The following PDLIM1 variants were observed in gnomAD, a reference collection of about 807,000 sequenced individuals.
PDLIM1 encodes the protein PDZ and LIM domain 1, also known as PDZ and LIM domain protein 1.
Under a neutral mutation model 35.2 loss-of-function variants are expected in PDLIM1, and 25 were observed. The observed-to-expected ratio is 0.71, with a 90% CI of 0.52 to 0.99. The LOEUF (loss-of-function observed/expected upper bound fraction) is 0.99. PDLIM1 is among the 50% of genes least tolerant of loss of function. The pLI is 0.00. For synonymous variants in PDLIM1, 152 were observed against 154.0 expected (o/e 0.99, Z 0.10); for missense variants, 363 against 415.3 (o/e 0.87, Z 1.09).
At chr10:95,256,986 A>AAAAGAAAGAAAG (rs71034327) in intron 4 of PDLIM1, among the ~76,000 whole-genome samples, 6,021 of 61,416 alleles carry the variant, frequency 0.098, 535 homozygotes, top group East Asian at 0.18. Flanking sequence ...AAAAAAAAAA[A>AAAAGAAAGAAAG]AAAGAAAGAA....
chr10:95,266,496 AT>A (rs1403964123), intron 3 of PDLIM1, among the ~76,000 whole-genome samples: 1 of 152,068 alleles, frequency 6.6e-6, no homozygotes, highest in Non-Finnish European at 1.5e-5. Context: ...CCTTGGCTCA[AT>A]TTTTCCCTGC....
At chr10:95,277,114 C>T (rs987739181) in intron 1 of PDLIM1, among the ~76,000 whole-genome samples, 1 of 151,814 alleles carries the variant, frequency 6.6e-6, no homozygotes, top group African/African-American at 2.4e-5. Context: ...ACTCAGGAGG[C>T]TGAGGTGGGA....
chr10:95,237,908 T>C lies in PDLIM1; in HGVS notation c.*17A>G, dbSNP rs780648719. ...GCAGCAGAGGCCTGCTGGAGAACAG[T>C]GGTCAGATCTGCTGGCTCACTTGGG... On this transcript the variant is annotated 3_prime_UTR_variant, in exon 7 of 7. Transcript: ENST00000329399. The C allele has an allele frequency of 1.2e-6, 2 of 1,609,394 alleles. No homozygotes were observed. Among genetic ancestry groups the C allele is most frequent in the Non-Finnish European group, 1.7e-6 (2 of 1,176,596 alleles).
intron 3 of PDLIM1, among the ~76,000 whole-genome samples, chr10:95,265,427 T>A (rs1406512000): frequency 2.0e-5 from 3 of 150,608 alleles, no homozygotes; most frequent in Non-Finnish European, 4.4e-5. Flanking sequence ...AAACCTCATC[T>A]CTACTAAAAA....
chr10:95,275,033 T>G (rs890487782), intron 1 of PDLIM1, among the ~76,000 whole-genome samples: 1 of 152,180 alleles, frequency 6.6e-6, no homozygotes, highest in Non-Finnish European at 1.5e-5. Context: ...ATTCCAGAGC[T>G]CACAATATTT....
chr10:95,244,997 C>A (rs924703310), intron 5 of PDLIM1, among the ~76,000 whole-genome samples: 1 of 152,206 alleles, frequency 6.6e-6, no homozygotes, highest in Non-Finnish European at 1.5e-5. Flanking sequence ...TATCCTGTTA[C>A]TGTCAGTAAA....
chr10:95,251,328 T>C (rs2035265700), intron 4 of PDLIM1, among the ~76,000 whole-genome samples: 1 of 151,816 alleles, frequency 6.6e-6, no homozygotes, highest in South Asian at 2.1e-4. Flanking sequence ...GGCTCACACC[T>C]TTAGGAGGCC....
intron 5 of PDLIM1, among the ~76,000 whole-genome samples, chr10:95,244,773 A>G (rs45443492): frequency 9.2e-4 from 140 of 152,158 alleles, no homozygotes; most frequent in African/African-American, 3.3e-3. Context: ...GGTGGTACAC[A>G]TCTGTAATCT....
intron 5 of PDLIM1, among the ~76,000 whole-genome samples, chr10:95,246,095 C>A (rs970122801): frequency 2.6e-5 from 4 of 152,148 alleles, no homozygotes; most frequent in Admixed American, 2.0e-4. Context: ...GAAAACAAGA[C>A]CCCACTGAAG....
intron 3 of PDLIM1, among the ~76,000 whole-genome samples, chr10:95,268,313 T>C (rs1323578449): frequency 6.6e-6 from 1 of 152,204 alleles, no homozygotes; most frequent in Non-Finnish European, 1.5e-5. Flanking sequence ...TTCCACTCCA[T>C]GGCTCATGGA....
chr10:95,241,388 G>A (rs991445940), intron 5 of PDLIM1, among the ~76,000 whole-genome samples: 2 of 152,178 alleles, frequency 1.3e-5, no homozygotes, highest in African/African-American at 4.8e-5. Flanking sequence ...ATGGTTGACT[G>A]TATTTTGACC....
At chr10:95,268,712 G>C (rs558609540) in intron 3 of PDLIM1, 66 bp downstream of exon 3, 1 of 979,332 alleles carries the variant, frequency 1.0e-6, no homozygotes, top group Non-Finnish European at 1.7e-6. Flanking sequence ...GGAATGTGCT[G>C]AGCAGTGTCA....
At chr10:95,287,559 G>C (rs1031625406) in intron 1 of PDLIM1, among the ~76,000 whole-genome samples, 1 of 152,136 alleles carries the variant, frequency 6.6e-6, no homozygotes, top group African/African-American at 2.4e-5. Flanking sequence ...CAGTTGCTGG[G>C]AGAGAAAAAC....
intron 4 of PDLIM1, among the ~76,000 whole-genome samples, chr10:95,256,985 A>AAG (rs2035317176): frequency 3.4e-5 from 4 of 119,182 alleles, no homozygotes; most frequent in African/African-American, 1.2e-4. Flanking sequence ...AAAAAAAAAA[A>AAG]AAAAGAAAGA....
At chr10:95,266,984 A>G (rs1160008978) in intron 3 of PDLIM1, among the ~76,000 whole-genome samples, 2 of 152,230 alleles carry the variant, frequency 1.3e-5, no homozygotes, top group East Asian at 3.8e-4. Flanking sequence ...TTGGCATTAC[A>G]TGAACCAACA....
Position 95,237,711 on chromosome 10 carries a change from G to A in PDLIM1, c.*214C>T. ...AGGGACACAGTGTTGCTGACAAGGT[G>A]ACACTGAACAAAACAGTTTTCCTTT... On this transcript the variant is annotated 3_prime_UTR_variant, in exon 7 of 7. Coordinates refer to ENST00000329399, the MANE Select transcript of PDLIM1 (RefSeq NM_020992.4). 1.8e-6 allele frequency: 1 copy of A among 549,554 alleles called. No homozygotes were observed. The highest frequency in any genetic ancestry group is 3.2e-6 in the Non-Finnish European group (1 of 309,072). 34.0% of individuals were successfully genotyped at this position (549,554 alleles called of 1,614,324 possible). A position where few individuals can be genotyped will look rare whatever the true frequency, so the allele number is the denominator to read the frequency against.
At position 95,290,192 on chromosome 10, in the gene PDLIM1, A is replaced by C. The variant is rs1396262989; in HGVS notation, c.96+628T>G. On this transcript the variant is annotated intron_variant, in intron 1 of 6. Transcript: ENST00000329399. The surrounding 1 kb of genome is among the most constrained non-coding windows in gnomAD (Gnocchi z 4.7). Reference sequence around the variant, plus strand: ...TAATCTGGGAATGCTAGGAAGAATGACGGCGGGGCCACGTTCTGCAGAGGG... The same window carrying C: ...TAATCTGGGAATGCTAGGAAGAATGCCGGCGGGGCCACGTTCTGCAGAGGG... 6.6e-6 allele frequency among the ~76,000 whole-genome samples: 1 copy of C among 152,118 alleles called. No homozygotes were observed. The highest frequency in any genetic ancestry group is 1.5e-5 in the Non-Finnish European group (1 of 68,004).
At chr10:95,243,506 T>G (rs2035195117) in intron 5 of PDLIM1, among the ~76,000 whole-genome samples, 1 of 152,142 alleles carries the variant, frequency 6.6e-6, no homozygotes, top group Non-Finnish European at 1.5e-5. Flanking sequence ...AAGCTCATGA[T>G]TCTTAACCTT....
intron 4 of PDLIM1, among the ~76,000 whole-genome samples, chr10:95,248,689 CAG>C (rs1323136962): frequency 2.0e-5 from 3 of 152,234 alleles, no homozygotes; most frequent in Admixed American, 2.0e-4. Flanking sequence ...AATGTTATCA[CAG>C]AGGAGAAAGT....
Sources: gnomAD v4.1 joint callset for allele counts (sites outside exome capture counted in the v4.1 genomes callset) on GRCh38, gnomAD v4.1.1 for gene constraint, Gnocchi (gnomAD v3.1) non-coding constraint, MANE v1.5 for transcripts, NCBI Gene and HGNC (gene_info 2026-07-23, HGNC 2026-07-21) for gene names.